NPHS1: variants seen among roughly 807,000 people sequenced by gnomAD.
The protein encoded by NPHS1 is NPHS1 adhesion molecule, nephrin.
NPHS1 carries 107 observed loss-of-function variants against 139.7 expected under a neutral mutation model. The observed-to-expected ratio is 0.77, with a 90% confidence interval of 0.66 to 0.90. The LOEUF is 0.90. Among genes scored for constraint, NPHS1 ranks in the 40% least tolerant of loss-of-function variants. The pLI is 0.00. For missense variants in NPHS1, 1,580 were observed against 1,654.2 expected (o/e 0.96, Z 0.78); for synonymous variants, 707 against 706.6 (o/e 1.00, Z -0.01).
intron 20 of NPHS1, among the ~76,000 whole-genome samples, chr19:35,840,852 C>CTT (rs746031842): frequency 4.7e-5 from 6 of 128,380 alleles, no homozygotes; most frequent in Non-Finnish European, 8.3e-5. Flanking sequence ...TCACGCCCGG[C>CTT]TTTTTTTTTT....
Position 35,851,310 on chromosome 19 carries a change from C to T in NPHS1, c.349G>A (p.Glu117Lys), listed in dbSNP as rs3814995. 0.31 allele frequency: 497,049 copies of T among 1,613,534 alleles called. 81,502 individuals carry two copies. Among genetic ancestry groups the T allele is most frequent in the East Asian group, 0.61 (27,241 of 44,836 alleles). ...GGAGACACGAGCTCGGGCCCCATCT[C>T]AGAGCGGCCGACCTGGCACTCATAC... Reference protein sequence around the residue: ...AEYECQVGRSEMGPELVSPRV... With the variant: ...AEYECQVGRSKMGPELVSPRV... Residue 117 changes from glutamate to lysine, a missense_variant, in exon 3 of 29, where the codon GAG becomes AAG. Glu to Lys is a moderately conservative substitution (Grantham distance 56). Coordinates refer to ENST00000378910, the MANE Select transcript of NPHS1 (RefSeq NM_004646.4).
rs763247816 is a variant in NPHS1 at position 35,839,340 on chromosome 19, A to G, written c.3006T>C (p.Gly1002=). 3.7e-6 allele frequency: 6 copies of G among 1,614,066 alleles called. No individual in the cohort carries two copies. In the Admixed American group the frequency reaches 6.7e-5, roughly 18 times the overall value. The change falls in exon 22 of 29, where the codon GGT becomes GGC. Residue 1002 remains glycine, a synonymous_variant. Transcript: ENST00000378910. The part of the protein sequence containing the change: ...PPQATTFTLT[G]LQPSTRYRVW... The stretch of plus-strand genomic sequence containing the variant: ...CCCTGTATCTTGTAGAAGGCTGTAG[A>G]CCAGTCAGCGTGAAGGTGGTGGCCT...
At position 35,844,108 on chromosome 19, in the gene NPHS1, A is replaced by G. The variant is rs1973100441; in HGVS notation, c.2207T>C (p.Val736Ala). 6.2e-7 allele frequency: 1 copy of G among 1,606,872 alleles called. No homozygotes were observed. Among genetic ancestry groups the G allele is most frequent in the Admixed American group, 1.7e-5 (1 of 59,940 alleles). Reference protein sequence around the residue: ...GTAEARLRLDVHYAPTIRALQ... With the variant: ...GTAEARLRLDAHYAPTIRALQ... ...CCATGGTGGGCGGGGCTCACAGTGC[A>G]CGTCCAGCCGCAGCCGCGCTTCCGC... Residue 736 changes from valine (V) to alanine (A), a missense_variant, in exon 16 of 29, where the codon GTG becomes GCG. Physicochemically the swap from Val to Ala is moderately conservative, Grantham distance 64 (BLOSUM62 0). Coordinates refer to ENST00000378910, the MANE Select transcript of NPHS1 (RefSeq NM_004646.4).
intron 20 of NPHS1, among the ~76,000 whole-genome samples, chr19:35,840,799 C>T (rs1429148271): frequency 6.7e-6 from 1 of 149,994 alleles, no homozygotes; most frequent in African/African-American, 2.5e-5. Flanking sequence ...AACAATTCTT[C>T]TGCCTCAGCC....
chr19:35,827,490 C>A (rs1171486446), intron 28 of NPHS1, among the ~76,000 whole-genome samples: 1 of 151,972 alleles, frequency 6.6e-6, no homozygotes, highest in Non-Finnish European at 1.5e-5. Context: ...AAAGAAAAAA[C>A]CAGTAGCAAC....
rs1288732782 is a variant in NPHS1, at chr19:35,844,185, G to C, written c.2130C>G (p.Thr710=). ...GCTGATAGAGGCCGTCGTCCGCGCG[G>C]GTCACATTCCACAGATGCAGAGCCC... The part of the protein sequence containing the change: ...SSGALHLWNV[T]RADDGLYQLH... Residue 710 remains threonine (T), a synonymous_variant, in exon 16 of 29, where the codon ACC becomes ACG. Transcript: ENST00000378910. 33 of 1,611,708 alleles carry C rather than the reference G, an allele frequency of 2.0e-5. No individual in the cohort carries two copies. Among genetic ancestry groups the C allele is most frequent in the Non-Finnish European group, 2.8e-5 (33 of 1,180,000 alleles).
chr19:35,849,686 G>T, intron 5 of NPHS1, 33 bp from the exon 6 acceptor site: 1 of 1,525,876 alleles, frequency 6.6e-7, no homozygotes, highest in Non-Finnish European at 9.1e-7. Context: ...TAGAGTCAGA[G>T]TCATCATCTG....
At position 35,851,769 on chromosome 19, in the gene NPHS1, A is replaced by G. The variant is rs1973270722; in HGVS notation, c.58+11T>C. 6.4e-7 allele frequency: 1 copy of G among 1,554,264 alleles called. No individual in the cohort carries two copies. The highest frequency in any genetic ancestry group is 8.7e-7 in the Non-Finnish European group (1 of 1,148,570). ...ACTTGGCGCTGGGTACAAGGCTGGG[A>G]TCCCACTCACCTTCAGTCAGCAGCC... On this transcript the variant is annotated intron_variant, in intron 1 of 28. Coordinates refer to ENST00000378910, the MANE Select transcript of NPHS1 (RefSeq NM_004646.4).
intron 17 of NPHS1, among the ~76,000 whole-genome samples, chr19:35,842,940 C>T (rs1008234903): frequency 2.6e-5 from 4 of 152,148 alleles, no homozygotes; most frequent in East Asian, 1.9e-4. Flanking sequence ...CACCCATTCA[C>T]TCAACTATTC....
chr19:35,838,854 A>AT (rs1192357843), intron 22 of NPHS1, among the ~76,000 whole-genome samples: 8 of 152,162 alleles, frequency 5.3e-5, no homozygotes, highest in African/African-American at 1.9e-4. Context: ...TCTCAAAAAA[A>AT]TAAAAAAAAA....
intron 7 of NPHS1, 21 bp from the exon 8 acceptor site, chr19:35,849,168 G>C (rs753388097): frequency 1.2e-6 from 2 of 1,612,062 alleles, no homozygotes; most frequent in Middle Eastern, 1.7e-4. Context: ...GGACAGGCCT[G>C]GGCCAGCTCA....
Position 35,830,868 on chromosome 19 carries a change from T to C in NPHS1, c.3570A>G (p.Gly1190=). The C allele has an allele frequency of 6.2e-7, 1 of 1,611,638 alleles. No homozygotes were observed. Among genetic ancestry groups the C allele is most frequent in the South Asian group, 1.1e-5 (1 of 91,010 alleles). ...CCATCTGCACTTCATCGTAGAGGGGTCCCCAGGCTCCAGACGGGGGGTACG... is the reference window on the plus strand; with the variant it reads ...CCATCTGCACTTCATCGTAGAGGGGCCCCCAGGCTCCAGACGGGGGGTACG... ...ERTYPPSGAW[G]PLYDEVQMGP... The change falls in exon 28 of 29, where the codon GGA becomes GGG. Residue 1190 remains glycine, a synonymous_variant. Transcript: ENST00000378910.
At chr19:35,847,925 T>C (rs1022788842) in intron 11 of NPHS1, 116 bp downstream of exon 11, 1 of 1,111,916 alleles carries the variant, frequency 9.0e-7, no homozygotes, top group African/African-American at 1.6e-5. Flanking sequence ...GAATCTTTAG[T>C]ACTTTTCAAG....
chr19:35,842,095 G>T, intron 19 of NPHS1, 29 bp downstream of exon 19: 1 of 1,593,826 alleles, frequency 6.3e-7, no homozygotes, highest in East Asian at 2.3e-5. Context: ...CCTGGGGCTG[G>T]AGTGCTGCCT....
Position 35,851,568 on chromosome 19 carries a change from C to T in NPHS1, c.163G>A (p.Val55Ile), listed in dbSNP as rs768382806. ...TGCACCGCACTGCCAGGGGTGCTGA[C>T]CCCACAACGCAGCTCCACTGAGGCC... is the stretch of plus-strand genomic sequence containing the variant. ...EGASVELRCG[V>I]STPGSAVQWA... Residue 55 changes from valine to isoleucine, a missense_variant, in exon 2 of 29, where the codon GTC becomes ATC. Coordinates refer to ENST00000378910, the MANE Select transcript of NPHS1 (RefSeq NM_004646.4). 1 of 1,613,854 alleles carries T rather than the reference C, an allele frequency of 6.2e-7. No individual in the cohort carries two copies. Among genetic ancestry groups the T allele is most frequent in the Non-Finnish European group, 8.5e-7 (1 of 1,179,976 alleles).
chr19:35,834,273 C>T (rs887144860), intron 23 of NPHS1, among the ~76,000 whole-genome samples: 2 of 152,066 alleles, frequency 1.3e-5, no homozygotes, highest in African/African-American at 2.4e-5. Flanking sequence ...GAGACACGCG[C>T]CCAGTTATCT....
At chr19:35,832,755 C>A (rs1972900900) in intron 23 of NPHS1, among the ~76,000 whole-genome samples, 1 of 149,946 alleles carries the variant, frequency 6.7e-6, no homozygotes, top group African/African-American at 2.4e-5. Flanking sequence ...GGTGTGGTGG[C>A]AGGCACCTGT....
chr19:35,828,305 G>A (rs1030250940), intron 28 of NPHS1, among the ~76,000 whole-genome samples: 6 of 150,806 alleles, frequency 4.0e-5, no homozygotes, highest in Non-Finnish European at 8.9e-5. Flanking sequence ...TTGGTTTGTT[G>A]CCCAGGCTGG....
intron 22 of NPHS1, 61 bp downstream of exon 22, chr19:35,839,176 A>G (rs1973017679): frequency 4.0e-6 from 6 of 1,504,502 alleles, no homozygotes; most frequent in Non-Finnish European, 5.6e-6. Flanking sequence ...TATTGACTTC[A>G]CCATACTACC....
Sources: gnomAD v4.1 joint callset for allele counts (sites outside exome capture counted in the v4.1 genomes callset) on GRCh38, gnomAD v4.1.1 for gene constraint, MANE v1.5 for transcripts, NCBI Gene and HGNC (gene_info 2026-07-23, HGNC 2026-07-21) for gene names.